The following GRIP1 variants were observed in gnomAD, a reference collection of about 807,000 sequenced individuals.
GRIP1 encodes glutamate receptor-interacting protein 1.
Under a neutral mutation model 129.9 loss-of-function variants are expected in GRIP1, and 45 were observed. That is an observed-to-expected ratio of 0.35 (90% CI 0.27 to 0.44). The LOEUF (loss-of-function observed/expected upper bound fraction) is 0.44, where lower values mean the gene tolerates loss of function less well. GRIP1 is among the 20% of genes least tolerant of loss of function. The pLI is 1.00. For synonymous variants in GRIP1, 530 were observed against 520.8 expected, an observed-to-expected ratio of 1.02 and a Z score of -0.24; for missense variants, 1,196 against 1,396.8, an observed-to-expected ratio of 0.86 and a Z score of 2.29.
chr12:66,643,028 G>A (rs1050645493), intron 1 of GRIP1, among the ~76,000 whole-genome samples: 3 of 152,096 alleles, frequency 2.0e-5, no homozygotes, highest in Non-Finnish European at 2.9e-5. Flanking sequence ...CATAAAACAA[G>A]ACAAGCAGAT....
At position 66,960,478 on chromosome 12, in the gene GRIP1, T is replaced by A. The variant is rs557098872; in HGVS notation, c.58+108572A>T. Among the ~76,000 whole-genome samples the A allele has an allele frequency of 3.3e-5, 5 of 152,278 alleles. No individual in the cohort carries two copies. In the East Asian group the frequency reaches 7.7e-4, roughly 24 times the overall value. On this transcript the variant is annotated intron_variant, in intron 1 of 1. Coordinates refer to the GRIP1 transcript ENST00000643019. ...GGTAAGATCAGCATTTGGACTTTTT[T>A]TTAGCTTTGCAATCTCTTTGAAATA...
At chr12:66,574,775 G>A (rs2063081815) in intron 2 of GRIP1, among the ~76,000 whole-genome samples, 1 of 124,866 alleles carries the variant, frequency 8.0e-6, no homozygotes, top group South Asian at 2.5e-4. Flanking sequence ...GGAACTCTCT[G>A]TTCCCACTTT....
At chr12:66,353,720 T>TC (rs911809550) in intron 23 of GRIP1, among the ~76,000 whole-genome samples, 157 bp from the exon 24 acceptor site, 1 of 152,200 alleles carries the variant, frequency 6.6e-6, no homozygotes, top group African/African-American at 2.4e-5. Flanking sequence ...AGCCTTTTTT[T>TC]CCCACTCCAA....
intron 1 of GRIP1, among the ~76,000 whole-genome samples, chr12:66,990,197 G>C (rs911685443): frequency 5.3e-5 from 8 of 152,122 alleles, no homozygotes; most frequent in Non-Finnish European, 1.0e-4. Flanking sequence ...CTCACTATAC[G>C]CATAGCTTTC....
chr12:66,379,745 T>G (rs2056013103), intron 19 of GRIP1, among the ~76,000 whole-genome samples: 1 of 152,142 alleles, frequency 6.6e-6, no homozygotes, highest in Admixed American at 6.5e-5. Flanking sequence ...GGAGTTCAAG[T>G]CATAATTTTT....
In GRIP1 at chr12:66,878,979, G is replaced by T. The variant is rs528407697; in HGVS notation, c.58+190071C>A. On this transcript the variant is annotated intron_variant, in intron 1 of 1. Coordinates refer to the GRIP1 transcript ENST00000643019. ...GAGACAATATGGACACTGATTTGAGGGGGGCATTGAGGGGTTGGTAGCTAG... is the reference window on the plus strand; with the variant it reads ...GAGACAATATGGACACTGATTTGAGTGGGGCATTGAGGGGTTGGTAGCTAG... 2.6e-5 allele frequency among the ~76,000 whole-genome samples: 4 copies of T among 152,026 alleles called. No homozygotes were observed. In the East Asian group the frequency reaches 7.8e-4, roughly 30 times the overall value.
intron 1 of GRIP1, among the ~76,000 whole-genome samples, chr12:66,694,521 C>T (rs974523210): frequency 6.6e-6 from 1 of 151,862 alleles, no homozygotes; most frequent in African/African-American, 2.4e-5. Context: ...ATGCTCAGTA[C>T]GTATTATTAT....
At chr12:66,997,428 A>C (rs531386026) in intron 1 of GRIP1, among the ~76,000 whole-genome samples, 1 of 152,302 alleles carries the variant, frequency 6.6e-6, no homozygotes, top group African/African-American at 2.4e-5. Flanking sequence ...AAAAATAAGA[A>C]GAATAACAGG....
chr12:67,020,510 T>C (rs950732588), intron 1 of GRIP1, among the ~76,000 whole-genome samples: 2 of 152,050 alleles, frequency 1.3e-5, no homozygotes, highest in Non-Finnish European at 2.9e-5. Context: ...TGGGCTCAAG[T>C]GATTCTCCCA....
intron 1 of GRIP1, among the ~76,000 whole-genome samples, chr12:66,977,511 T>A (rs2042171504): frequency 6.6e-6 from 1 of 152,102 alleles, no homozygotes; most frequent in Non-Finnish European, 1.5e-5. Flanking sequence ...AGTCCCTAGA[T>A]TAGGAACTGG....
intron 2 of GRIP1, among the ~76,000 whole-genome samples, chr12:66,570,104 C>CATGTATGTATGTATGTATGT (rs58598900): frequency 5.4e-4 from 82 of 150,836 alleles, no homozygotes; most frequent in African/African-American, 1.9e-3. Context: ...GTAGGCATTG[C>CATGTATGTATGTATGTATGT]ATGTATGTAT....
intron 22 of GRIP1, among the ~76,000 whole-genome samples, chr12:66,375,944 C>T (rs1043362905): frequency 2.0e-5 from 3 of 152,180 alleles, no homozygotes; most frequent in Non-Finnish European, 1.5e-5. Context: ...GAATTGTGCT[C>T]GTTACTCAGT....
chr12:66,797,857 T>G (rs1313637843), intron 1 of GRIP1, among the ~76,000 whole-genome samples: 2 of 152,154 alleles, frequency 1.3e-5, no homozygotes, highest in Non-Finnish European at 2.9e-5. Context: ...ATGAGCACAG[T>G]GCACTGAGTT....
At chr12:66,698,880 T>C (rs900568064) in intron 1 of GRIP1, among the ~76,000 whole-genome samples, 2 of 152,190 alleles carry the variant, frequency 1.3e-5, no homozygotes, top group Non-Finnish European at 2.9e-5. Context: ...TACTGTATGA[T>C]TGTGGGCAAA....
chr12:66,699,787 C>A (rs1286359208), intron 1 of GRIP1, among the ~76,000 whole-genome samples: 2 of 152,188 alleles, frequency 1.3e-5, no homozygotes, highest in African/African-American at 4.8e-5. Flanking sequence ...CTGAATGGCA[C>A]ATCCTTACTC....
chr12:66,497,631 G>A (rs776872184), intron 7 of GRIP1, among the ~76,000 whole-genome samples: 7 of 152,206 alleles, frequency 4.6e-5, no homozygotes, highest in African/African-American at 9.6e-5. Context: ...GTGATGTGAA[G>A]AGCAGAGGTA....
At chr12:66,826,489 C>T (rs2039416120) in intron 1 of GRIP1, among the ~76,000 whole-genome samples, 1 of 151,880 alleles carries the variant, frequency 6.6e-6, no homozygotes, top group Non-Finnish European at 1.5e-5. Context: ...AACTACTACT[C>T]AGAGTTTCTA....
chr12:66,398,797 G>T (rs1177008267), intron 16 of GRIP1, among the ~76,000 whole-genome samples: 1 of 151,982 alleles, frequency 6.6e-6, no homozygotes, highest in African/African-American at 2.4e-5. Flanking sequence ...GCTATCACAA[G>T]AACCAACTTT....
chr12:66,734,009 G>T (rs1233456843), intron 1 of GRIP1, among the ~76,000 whole-genome samples: 4 of 152,106 alleles, frequency 2.6e-5, no homozygotes, highest in Non-Finnish European at 2.9e-5. Flanking sequence ...TACGTACGCT[G>T]CAACTAGGAG....
Sources: gnomAD v4.1 joint callset for allele counts (sites outside exome capture counted in the v4.1 genomes callset) on GRCh38, gnomAD v4.1.1 for gene constraint, MANE v1.5 for transcripts, NCBI Gene and HGNC (gene_info 2026-07-23, HGNC 2026-07-21) for gene names.